Variants in CACNA2D1 observed in about 807,000 individuals in gnomAD.
The protein encoded by CACNA2D1 is calcium voltage-gated channel auxiliary subunit alpha2delta 1.
A neutral mutation model predicts 171.5 loss-of-function variants in CACNA2D1; 53 were observed. The ratio of observed to expected loss-of-function variants is 0.31; its 90% CI spans 0.25 to 0.39. The LOEUF is 0.39. Ranked by LOEUF, CACNA2D1 falls within the 10% of genes least tolerant of loss-of-function variation. The pLI is 1.00. For synonymous variants in CACNA2D1, 442 were observed against 443.1 expected (o/e 1.00, Z 0.03); for missense variants, 903 against 1,299.8 (o/e 0.69, Z 4.69).
At chr7:82,024,962 G>A (rs1235269214) in intron 12 of CACNA2D1, among the ~76,000 whole-genome samples, 3 of 151,366 alleles carry the variant, frequency 2.0e-5, no homozygotes, top group Non-Finnish European at 1.5e-5. Flanking sequence ...TATCCATGGA[G>A]TTATTTCTGG....
chr7:82,315,164 C>T (rs75823159), intron 3 of CACNA2D1, among the ~76,000 whole-genome samples: 1 of 151,680 alleles, frequency 6.6e-6, no homozygotes, highest in African/African-American at 2.4e-5. Context: ...AAGGAAATAA[C>T]GTGTCGTGTC....
intron 1 of CACNA2D1, among the ~76,000 whole-genome samples, chr7:82,407,007 A>T (rs1563508473): frequency 6.6e-6 from 1 of 152,210 alleles, no homozygotes. Context: ...TAATTACCCT[A>T]CTTACTACCC....
intron 3 of CACNA2D1, among the ~76,000 whole-genome samples, chr7:82,268,276 G>A (rs2129344765): frequency 6.6e-6 from 1 of 152,214 alleles, no homozygotes; most frequent in Middle Eastern, 3.4e-3. Flanking sequence ...CTTTTTTAAA[G>A]GAAGTTTCAC....
intron 21 of CACNA2D1, among the ~76,000 whole-genome samples, chr7:81,987,122 C>A (rs1797052742): frequency 6.6e-6 from 1 of 152,048 alleles, no homozygotes; most frequent in African/African-American, 2.4e-5. Context: ...GTTTTGTTGG[C>A]CTGTAAGTCT....
At chr7:82,291,603 A>T (rs918994951) in intron 3 of CACNA2D1, among the ~76,000 whole-genome samples, 58 of 143,176 alleles carry the variant, frequency 4.1e-4, no homozygotes, top group Non-Finnish European at 7.4e-4. Flanking sequence ...ATATATAAAA[A>T]ATATATATAA....
intron 6 of CACNA2D1, among the ~76,000 whole-genome samples, chr7:82,085,953 A>G (rs565530812): frequency 6.6e-6 from 1 of 152,178 alleles, no homozygotes; most frequent in Non-Finnish European, 1.5e-5. Flanking sequence ...CATACTAAAA[A>G]TTTAATTGGC....
intron 5 of CACNA2D1, among the ~76,000 whole-genome samples, chr7:82,133,796 G>A (rs1791282075): frequency 6.6e-6 from 1 of 152,176 alleles, no homozygotes; most frequent in African/African-American, 2.4e-5. Flanking sequence ...TGCAGGGCCG[G>A]GCACGGTGGC....
intron 3 of CACNA2D1, among the ~76,000 whole-genome samples, chr7:82,332,526 G>GAGAAAGAAAGAAAGAAAGAAAC (rs1563381031): frequency 2.0e-5 from 1 of 51,202 alleles, no homozygotes; most frequent in Non-Finnish European, 5.4e-5. Context: ...AAGAAAGAAA[G>GAGAAAGAAAGAAAGAAAGAAAC]AAAGAAAGAA....
At chr7:82,062,819 T>C (rs1022297195) in intron 9 of CACNA2D1, among the ~76,000 whole-genome samples, 12 of 143,400 alleles carry the variant, frequency 8.4e-5, no homozygotes, top group Middle Eastern at 7.9e-3. Context: ...CAACTCACTG[T>C]AGCCCCCATC....
At chr7:82,302,896 C>A (rs1813204439) in intron 3 of CACNA2D1, among the ~76,000 whole-genome samples, 2 of 152,178 alleles carry the variant, frequency 1.3e-5, no homozygotes. Context: ...ATAGTTTATA[C>A]AACCGTTAAA....
intron 3 of CACNA2D1, among the ~76,000 whole-genome samples, chr7:82,262,537 CT>C (rs1807264116): frequency 6.6e-6 from 1 of 152,100 alleles, no homozygotes; most frequent in South Asian, 2.1e-4. Context: ...AAAAAATTCA[CT>C]TTTGTATTTT....
chr7:82,170,626 A>G lies in CACNA2D1; in HGVS notation c.295-17T>C. On this transcript the variant is annotated splice_polypyrimidine_tract_variant and intron_variant, in intron 3 of 38. Transcript: ENST00000356860. The stretch of plus-strand genomic sequence containing the variant: ...TGCCAGGCGCTGAAAAACAAACAAT[A>G]AATCTTAGAATTCAAATGAACACGT... 3 of 1,610,642 alleles carry G rather than the reference A, an allele frequency of 1.9e-6. No individual in the cohort carries two copies. The highest frequency in any genetic ancestry group is 2.5e-6 in the Non-Finnish European group (3 of 1,177,368).
At chr7:82,164,748 A>G (rs1795263852) in intron 4 of CACNA2D1, among the ~76,000 whole-genome samples, 1 of 152,046 alleles carries the variant, frequency 6.6e-6, no homozygotes, top group African/African-American at 2.4e-5. Context: ...GGAAATACGT[A>G]TATGGAGTAA....
chr7:82,205,706 A>G (rs537248045), intron 3 of CACNA2D1, among the ~76,000 whole-genome samples: 1 of 152,194 alleles, frequency 6.6e-6, no homozygotes, highest in African/African-American at 2.4e-5. Flanking sequence ...TTTGAAGAGT[A>G]GATTTTGCTA....
chr7:82,392,011 C>A (rs560091573), intron 1 of CACNA2D1, among the ~76,000 whole-genome samples: 225 of 152,200 alleles, frequency 1.5e-3, no homozygotes, highest in African/African-American at 5.3e-3. Context: ...GGGGCAGGTC[C>A]CTGGTGAAAC....
chr7:82,440,642 CTATTT>C (rs769467069), intron 1 of CACNA2D1, among the ~76,000 whole-genome samples: 36 of 151,926 alleles, frequency 2.4e-4, no homozygotes, highest in Admixed American at 1.3e-3. Context: ...TGAAAAACAT[CTATTT>C]TAGTGTTAAC....
chr7:82,339,123 ATTAGAGAATATAGAAAAAGAG>A (rs1216335334), intron 2 of CACNA2D1, among the ~76,000 whole-genome samples: 1 of 152,188 alleles, frequency 6.6e-6, no homozygotes, highest in Non-Finnish European at 1.5e-5. Flanking sequence ...AGTAAAGAAG[ATTAGAGAATATAGAAAAAGAG>A]TTAGAACTTA....
intron 12 of CACNA2D1, among the ~76,000 whole-genome samples, chr7:82,017,792 G>C (rs1800686260): frequency 6.6e-6 from 1 of 151,958 alleles, no homozygotes; most frequent in African/African-American, 2.4e-5. Flanking sequence ...AAAACAAAAT[G>C]ACATACAAAA....
At chr7:82,106,079 C>T (rs182732821) in intron 6 of CACNA2D1, among the ~76,000 whole-genome samples, 259 of 152,134 alleles carry the variant, frequency 1.7e-3, no homozygotes, top group African/African-American at 5.7e-3. Context: ...TCTCATAACC[C>T]GGTATCTTTA....
Sources: gnomAD v4.1 joint callset for allele counts (sites outside exome capture counted in the v4.1 genomes callset) on GRCh38, gnomAD v4.1.1 for gene constraint, MANE v1.5 for transcripts, NCBI Gene and HGNC (gene_info 2026-07-23, HGNC 2026-07-21) for gene names.